The following ATRNL1 variants were observed in gnomAD, a reference collection of about 807,000 sequenced individuals.
ATRNL1 encodes the protein attractin like 1, also known as attractin-like protein 1.
ATRNL1 carries 95 observed loss-of-function variants against 182.7 expected under a neutral mutation model. The ratio of observed to expected loss-of-function variants is 0.52; its 90% CI spans 0.44 to 0.62. The LOEUF is 0.62. Ranked by LOEUF, ATRNL1 falls within the 20% of genes least tolerant of loss-of-function variation. The pLI is 0.00. For synonymous variants in ATRNL1, 576 were observed against 568.3 expected (o/e 1.01, Z -0.19); for missense variants, 1,471 against 1,679.5 (o/e 0.88, Z 2.17).
At chr10:115,880,528 T>C (rs1403925128) in intron 28 of ATRNL1, among the ~76,000 whole-genome samples, 2 of 152,132 alleles carry the variant, frequency 1.3e-5, no homozygotes, top group East Asian at 3.9e-4. Flanking sequence ...CTTGGGAGGC[T>C]GAGGAGAATC....
intron 27 of ATRNL1, among the ~76,000 whole-genome samples, chr10:115,834,268 TA>T (rs1181914607): frequency 6.6e-6 from 1 of 152,186 alleles, no homozygotes; most frequent in African/African-American, 2.4e-5. Flanking sequence ...ATTCCTTCTT[TA>T]TTTTGTCACT....
At chr10:115,719,344 T>C (rs943690944) in intron 26 of ATRNL1, among the ~76,000 whole-genome samples, 5 of 152,184 alleles carry the variant, frequency 3.3e-5, no homozygotes, top group Non-Finnish European at 7.4e-5. Flanking sequence ...AAGTAGAAGA[T>C]AAAAACAAGT....
At chr10:115,199,187 T>C (rs1254996082) in intron 8 of ATRNL1, among the ~76,000 whole-genome samples, 1 of 152,136 alleles carries the variant, frequency 6.6e-6, no homozygotes, top group Non-Finnish European at 1.5e-5. Context: ...TCATCAATGT[T>C]TTATAGTTTT....
chr10:115,777,246 C>T (rs1185044391), intron 27 of ATRNL1, among the ~76,000 whole-genome samples: 1 of 152,118 alleles, frequency 6.6e-6, no homozygotes, highest in South Asian at 2.1e-4. Flanking sequence ...AGGTGTTTGA[C>T]ACCTAGTAAA....
At chr10:115,097,740 A>T (rs1412702520) in intron 1 of ATRNL1, among the ~76,000 whole-genome samples, 3 of 152,138 alleles carry the variant, frequency 2.0e-5, no homozygotes, top group Non-Finnish European at 2.9e-5. Flanking sequence ...CCTAGCTAAC[A>T]CAGTGAAACC....
chr10:115,597,852 A>C (rs1856353466), intron 26 of ATRNL1: 7 of 241,348 alleles, frequency 2.9e-5, no homozygotes, highest in South Asian at 2.7e-4. Flanking sequence ...GAACTCTTTA[A>C]ATTTAGACAT....
At chr10:115,252,155 T>A (rs1850907049) in intron 10 of ATRNL1, among the ~76,000 whole-genome samples, 1 of 152,054 alleles carries the variant, frequency 6.6e-6, no homozygotes. Flanking sequence ...GCCTCCTGAG[T>A]AGCTGGGACT....
chr10:115,178,995 G>C (rs1476903411), intron 8 of ATRNL1, among the ~76,000 whole-genome samples: 7 of 151,746 alleles, frequency 4.6e-5, no homozygotes, highest in Admixed American at 2.6e-4. Context: ...TCTCCTGTGT[G>C]TATACTTTCT....
At chr10:115,110,438 G>T in intron 1 of ATRNL1, among the ~76,000 whole-genome samples, 1 of 152,088 alleles carries the variant, frequency 6.6e-6, no homozygotes, top group East Asian at 1.9e-4. Context: ...AGCAACCCCT[G>T]GTCAGCAACT....
intron 21 of ATRNL1, among the ~76,000 whole-genome samples, chr10:115,457,252 T>C (rs1422683288): frequency 6.6e-6 from 1 of 152,008 alleles, no homozygotes; most frequent in Non-Finnish European, 1.5e-5. Flanking sequence ...GGGGTTTTTA[T>C]GGGCTTAAAA....
intron 26 of ATRNL1, among the ~76,000 whole-genome samples, chr10:115,645,162 T>A (rs1859524878): frequency 6.6e-6 from 1 of 152,078 alleles, no homozygotes; most frequent in Non-Finnish European, 1.5e-5. Flanking sequence ...ACTATGCTAT[T>A]CTGTGTTCAA....
At chr10:115,108,950 C>A (rs1844140462) in intron 1 of ATRNL1, among the ~76,000 whole-genome samples, 1 of 152,158 alleles carries the variant, frequency 6.6e-6, no homozygotes, top group Non-Finnish European at 1.5e-5. Flanking sequence ...TCAAGGATGG[C>A]TATTACTCCA....
At chr10:115,325,443 T>C (rs1854822093) in intron 18 of ATRNL1, among the ~76,000 whole-genome samples, 1 of 152,236 alleles carries the variant, frequency 6.6e-6, no homozygotes, top group Non-Finnish European at 1.5e-5. Flanking sequence ...GGGTCCCCTT[T>C]TCTGTAATAT....
At chr10:115,434,363 A>G (rs1185373769) in intron 21 of ATRNL1, among the ~76,000 whole-genome samples, 3 of 152,202 alleles carry the variant, frequency 2.0e-5, no homozygotes, top group Middle Eastern at 3.2e-3. Context: ...TAGCTTATGT[A>G]ATACTCAAAT....
intron 8 of ATRNL1, among the ~76,000 whole-genome samples, chr10:115,191,904 GA>G (rs1160582006): frequency 1.3e-5 from 2 of 151,976 alleles, no homozygotes; most frequent in Admixed American, 6.6e-5. Context: ...TGTCTTTTGA[GA>G]AAAGTTCTAT....
chr10:115,925,030 A>G (rs1953181501), intron 28 of ATRNL1, among the ~76,000 whole-genome samples: 1 of 152,132 alleles, frequency 6.6e-6, no homozygotes, highest in African/African-American at 2.4e-5. Flanking sequence ...GAGTACATTC[A>G]TGATTTGGCC....
chr10:115,537,481 C>T (rs782140392), intron 25 of ATRNL1, among the ~76,000 whole-genome samples: 7 of 152,130 alleles, frequency 4.6e-5, no homozygotes, highest in Non-Finnish European at 8.8e-5. Context: ...CCTACATGAA[C>T]ATCAGTTCTA....
chr10:115,225,901 T>C (rs1006600555), intron 9 of ATRNL1, among the ~76,000 whole-genome samples: 6 of 150,990 alleles, frequency 4.0e-5, no homozygotes, highest in Admixed American at 4.0e-4. Flanking sequence ...ATGTGAAGGG[T>C]AATTTTTGTA....
chr10:115,115,668 G>C (rs1402744436), intron 1 of ATRNL1, among the ~76,000 whole-genome samples: 2 of 152,102 alleles, frequency 1.3e-5, no homozygotes, highest in Non-Finnish European at 2.9e-5. Flanking sequence ...GACTATCCCT[G>C]AGTGGATCTG....
Sources: gnomAD v4.1 joint callset for allele counts (sites outside exome capture counted in the v4.1 genomes callset) on GRCh38, gnomAD v4.1.1 for gene constraint, MANE v1.5 for transcripts, NCBI Gene and HGNC (gene_info 2026-07-23, HGNC 2026-07-21) for gene names.